The following MCTP2 variants were observed in gnomAD, a reference collection of about 807,000 sequenced individuals.
MCTP2 encodes the protein multiple C2 and transmembrane domain-containing protein 2.
A neutral mutation model predicts 111.6 loss-of-function variants in MCTP2; 132 were observed. The observed-to-expected ratio is 1.18, with a 90% CI of 1.03 to 1.37. The LOEUF (loss-of-function observed/expected upper bound fraction) is 1.37. Ranked by LOEUF, MCTP2 falls within the 40% of genes most tolerant of loss-of-function variation. MCTP2 has a pLI of 0.00. For missense variants in MCTP2, 1,183 were observed against 1,067.9 expected, an observed-to-expected ratio of 1.11 and a Z score of -1.50; for synonymous variants, 395 against 387.7, an observed-to-expected ratio of 1.02 and a Z score of -0.22.
chr15:94,342,209 T>C (rs2077681264), intron 7 of MCTP2: 1 of 152,192 alleles, frequency 6.6e-6, no homozygotes, highest in South Asian at 2.1e-4. Flanking sequence ...AAGTTTTCTA[T>C]AGCATATTAG....
At chr15:94,437,648 G>C (rs76372439) in intron 17 of MCTP2, among the ~76,000 whole-genome samples, 9,007 of 152,086 alleles carry the variant, frequency 0.059, 364 homozygotes, top group East Asian at 0.16. Flanking sequence ...AATACACGTG[G>C]AAGAGTAAAG....
chr15:94,243,075 G>A (rs1237876909), intron 1 of MCTP2, among the ~76,000 whole-genome samples: 1 of 71,044 alleles, frequency 1.4e-5, no homozygotes, highest in Non-Finnish European at 3.1e-5. Context: ...GTGTATATGT[G>A]TATCTACACA....
chr15:94,235,734 A>G (rs1231606521), intron 1 of MCTP2, among the ~76,000 whole-genome samples: 2 of 152,216 alleles, frequency 1.3e-5, no homozygotes, highest in African/African-American at 2.4e-5. Context: ...GAAATAGGAA[A>G]TTGTCCGTAG....
intron 12 of MCTP2, among the ~76,000 whole-genome samples, chr15:94,373,731 G>A (rs899699467): frequency 2.6e-5 from 4 of 152,178 alleles, no homozygotes; most frequent in Non-Finnish European, 2.9e-5. Flanking sequence ...AACGTTAGAC[G>A]TGGATAGCCA....
chr15:94,256,113 A>T (rs893068535), intron 1 of MCTP2, among the ~76,000 whole-genome samples: 7 of 152,238 alleles, frequency 4.6e-5, no homozygotes, highest in Non-Finnish European at 8.8e-5. Flanking sequence ...GAGTGCAGAC[A>T]TAATGACACA....
At chr15:94,418,022 GC>G (rs1441510202) in intron 17 of MCTP2, among the ~76,000 whole-genome samples, 1 of 152,096 alleles carries the variant, frequency 6.6e-6, no homozygotes, top group African/African-American at 2.4e-5. Flanking sequence ...CTGCACTAAT[GC>G]TAATTAGATA....
At chr15:94,445,411 G>A (rs1349286758) in intron 19 of MCTP2, among the ~76,000 whole-genome samples, 1 of 152,098 alleles carries the variant, frequency 6.6e-6, no homozygotes, top group African/African-American at 2.4e-5. Context: ...TTTGACTTCT[G>A]TTTATGCCTC....
intron 1 of MCTP2, among the ~76,000 whole-genome samples, chr15:94,271,296 AC>A (rs1416355324): frequency 6.6e-6 from 1 of 152,138 alleles, no homozygotes; most frequent in Non-Finnish European, 1.5e-5. Context: ...TTCTCTACTC[AC>A]TGCTCTTCCA....
At chr15:94,274,653 TA>T (rs1387473888) in intron 1 of MCTP2, among the ~76,000 whole-genome samples, 7 of 151,974 alleles carry the variant, frequency 4.6e-5, no homozygotes, top group Admixed American at 2.0e-4. Flanking sequence ...ACAGCAAACA[TA>T]ACAAAACTGA....
At chr15:94,333,434 T>A (rs1476190621) in intron 4 of MCTP2, among the ~76,000 whole-genome samples, 1 of 151,556 alleles carries the variant, frequency 6.6e-6, no homozygotes, top group African/African-American at 2.4e-5. Flanking sequence ...ACCATTGCCA[T>A]GAGTTATATC....
intron 4 of MCTP2, among the ~76,000 whole-genome samples, chr15:94,334,400 C>A (rs114773838): frequency 6.6e-6 from 1 of 152,200 alleles, no homozygotes; most frequent in Non-Finnish European, 1.5e-5. Context: ...TTAGGCACCT[C>A]TGGGCATTAA....
intron 12 of MCTP2, among the ~76,000 whole-genome samples, chr15:94,372,046 T>C (rs762661690): frequency 3.9e-5 from 6 of 152,214 alleles, no homozygotes; most frequent in Non-Finnish European, 7.3e-5. Flanking sequence ...ACCCTCTCTA[T>C]GGAAGAATAA....
intron 8 of MCTP2, among the ~76,000 whole-genome samples, chr15:94,350,943 A>C (rs1277320385): frequency 6.6e-6 from 1 of 152,050 alleles, no homozygotes; most frequent in African/African-American, 2.4e-5. Flanking sequence ...AAAATCTGAG[A>C]GTCACTGGGT....
At chr15:94,311,850 A>T (rs1441102715) in intron 2 of MCTP2, among the ~76,000 whole-genome samples, 2 of 152,240 alleles carry the variant, frequency 1.3e-5, no homozygotes, top group African/African-American at 4.8e-5. Flanking sequence ...CATTTAATTA[A>T]CATCATCATT....
intron 21 of MCTP2, among the ~76,000 whole-genome samples, chr15:94,473,990 A>G (rs2074136273): frequency 6.6e-6 from 1 of 151,592 alleles, no homozygotes; most frequent in Admixed American, 6.6e-5. Flanking sequence ...CTCATTCCAC[A>G]TTCCACCCCA....
At chr15:94,414,286 C>A (rs1179366784) in intron 17 of MCTP2, among the ~76,000 whole-genome samples, 1 of 151,974 alleles carries the variant, frequency 6.6e-6, no homozygotes, top group Admixed American at 6.6e-5. Context: ...ATAGAAGAGG[C>A]AGAAAAAGAA....
intron 19 of MCTP2, among the ~76,000 whole-genome samples, chr15:94,447,389 G>A (rs931228550): frequency 9.3e-5 from 14 of 151,284 alleles, no homozygotes; most frequent in Non-Finnish European, 2.1e-4. Context: ...GTGTGTGTGT[G>A]TTGTGTTTGT....
chr15:94,376,206 C>T (rs141895661), intron 12 of MCTP2, among the ~76,000 whole-genome samples: 540 of 152,272 alleles, frequency 3.5e-3, no homozygotes, highest in Non-Finnish European at 6.2e-3. Flanking sequence ...CTTGGTCTGT[C>T]CCCCACACAG....
intron 20 of MCTP2, among the ~76,000 whole-genome samples, chr15:94,459,797 C>T (rs570677933): frequency 5.3e-4 from 80 of 152,252 alleles, no homozygotes; most frequent in African/African-American, 1.9e-3. Flanking sequence ...GAAATGCAAC[C>T]ATAATTACAA....
Sources: gnomAD v4.1 joint callset for allele counts (sites outside exome capture counted in the v4.1 genomes callset) on GRCh38, gnomAD v4.1.1 for gene constraint, MANE v1.5 for transcripts, NCBI Gene and HGNC (gene_info 2026-07-23, HGNC 2026-07-21) for gene names.